PACRG: variants seen among roughly 807,000 people sequenced by gnomAD.
PACRG encodes parkin coregulated.
In PACRG, 29 loss-of-function variants were observed where a neutral mutation model predicts 29.7. That is an observed-to-expected ratio of 0.98 (90% CI 0.73 to 1.33). The LOEUF is 1.33. PACRG is among the 40% of genes most tolerant of loss of function. The pLI is 0.00. For synonymous variants in PACRG, 116 were observed against 118.7 expected, an observed-to-expected ratio of 0.98 and a Z score of 0.15; for missense variants, 279 against 316.2, an observed-to-expected ratio of 0.88 and a Z score of 0.89.
chr6:162,984,674 C>G (rs796957547), intron 2 of PACRG, among the ~76,000 whole-genome samples: 5 of 151,874 alleles, frequency 3.3e-5, no homozygotes, highest in African/African-American at 1.2e-4. Context: ...TCCATGCCAA[C>G]ATCTAGTATT....
intron 3 of PACRG, among the ~76,000 whole-genome samples, chr6:163,080,879 G>A (rs1437559819): frequency 2.7e-5 from 4 of 147,054 alleles, no homozygotes; most frequent in African/African-American, 7.3e-5. Flanking sequence ...AATATTTTTT[G>A]TATGACATTT....
chr6:163,092,420 A>T (rs535119847), intron 4 of PACRG, among the ~76,000 whole-genome samples: 41 of 152,218 alleles, frequency 2.7e-4, no homozygotes, highest in Non-Finnish European at 6.0e-4. Flanking sequence ...ACACGATCAG[A>T]GCAATGAAAA....
chr6:163,222,779 G>A (rs1321181811), intron 4 of PACRG, among the ~76,000 whole-genome samples: 1 of 152,114 alleles, frequency 6.6e-6, no homozygotes, highest in Non-Finnish European at 1.5e-5. Context: ...ATTGACATCA[G>A]ATAAATAAAC....
intron 4 of PACRG, among the ~76,000 whole-genome samples, chr6:163,291,893 C>G (rs1467748583): frequency 1.3e-5 from 2 of 151,938 alleles, no homozygotes; most frequent in Non-Finnish European, 2.9e-5. Context: ...CCTGATGTTG[C>G]TGTGAGGGAG....
intron 2 of PACRG, among the ~76,000 whole-genome samples, chr6:162,863,049 C>T (rs1021570039): frequency 6.6e-6 from 1 of 152,194 alleles, no homozygotes; most frequent in Non-Finnish European, 1.5e-5. Context: ...TTAAACACAT[C>T]AGGAAACTAC....
rs1562767321 is a variant in PACRG, at chr6:162,947,614, A to ATATACTCATATATATATATATGAT, written c.292-114532_292-114531insCTCATATATATATATATGATTATA. Among the ~76,000 whole-genome samples the ATATACTCATATATATATATATGAT allele has an allele frequency of 5.3e-4, 8 of 15,052 alleles. 1 individual carries two copies. Among genetic ancestry groups the ATATACTCATATATATATATATGAT allele is most frequent in the Non-Finnish European group, 9.5e-4 (7 of 7,374 alleles). 9.9% of individuals were successfully genotyped at this position (15,052 alleles called of 152,430 possible). On this transcript the variant is annotated intron_variant, in intron 2 of 4. Coordinates refer to ENST00000366888, the MANE Select transcript of PACRG (RefSeq NM_001080379.2). ...TATAATCATATATATATATAATCATATATATATATATATATATATATATAT... is the reference window on the plus strand; with the variant it reads ...TATAATCATATATATATATAATCATATATACTCATATATATATATATGATTATATATATATATATATATATATAT...
chr6:163,238,535 A>G (rs1782336700), intron 4 of PACRG, among the ~76,000 whole-genome samples: 1 of 152,220 alleles, frequency 6.6e-6, no homozygotes, highest in Non-Finnish European at 1.5e-5. Flanking sequence ...TAATGAAGGA[A>G]GAAGTGATTT....
intron 2 of PACRG, among the ~76,000 whole-genome samples, chr6:162,946,007 A>G (rs2128124587): frequency 6.6e-6 from 1 of 152,292 alleles, no homozygotes; most frequent in South Asian, 2.1e-4. Context: ...GGATACAGCA[A>G]AAGCACTGTT....
At chr6:163,098,142 C>T (rs1436235000) in intron 4 of PACRG, among the ~76,000 whole-genome samples, 5 of 152,042 alleles carry the variant, frequency 3.3e-5, no homozygotes, top group African/African-American at 9.7e-5. Flanking sequence ...GGGTGTGACT[C>T]CCCAGGTCCC....
At chr6:162,803,819 ATAT>A (rs1786084649) in intron 1 of PACRG, among the ~76,000 whole-genome samples, 2 of 152,174 alleles carry the variant, frequency 1.3e-5, no homozygotes, top group South Asian at 2.1e-4. Context: ...TTAGAAAATA[ATAT>A]TATCAAGATC....
At chr6:163,275,534 A>G (rs1274291534) in intron 4 of PACRG, among the ~76,000 whole-genome samples, 3 of 152,086 alleles carry the variant, frequency 2.0e-5, no homozygotes, top group Admixed American at 6.5e-5. Flanking sequence ...TAGACTTTTT[A>G]TTTGAAGAAC....
chr6:162,790,997 GAGGT>G (rs989113882), intron 1 of PACRG, among the ~76,000 whole-genome samples: 1 of 152,186 alleles, frequency 6.6e-6, no homozygotes, highest in African/African-American at 2.4e-5. Context: ...TGTATTTAAA[GAGGT>G]AGAATTTTTT....
intron 2 of PACRG, among the ~76,000 whole-genome samples, chr6:162,979,344 A>G (rs751662755): frequency 2.0e-5 from 3 of 152,052 alleles, no homozygotes; most frequent in Non-Finnish European, 4.4e-5. Context: ...GAAGAAGTCT[A>G]TTTGGATCTT....
intron 1 of PACRG, among the ~76,000 whole-genome samples, chr6:162,811,737 A>T (rs1320328012): frequency 2.0e-5 from 3 of 152,176 alleles, no homozygotes; most frequent in Non-Finnish European, 4.4e-5. Context: ...AGACAAACTG[A>T]TGTATCCATG....
intron 4 of PACRG, among the ~76,000 whole-genome samples, chr6:163,171,450 G>A (rs149585314): frequency 6.6e-6 from 1 of 152,154 alleles, no homozygotes. Flanking sequence ...AGGTATGACT[G>A]TTCTGCCCAT....
intron 2 of PACRG, among the ~76,000 whole-genome samples, chr6:163,050,844 T>C (rs1295636005): frequency 1.3e-5 from 2 of 152,218 alleles, no homozygotes; most frequent in African/African-American, 4.8e-5. Context: ...TTCATAGTGT[T>C]TCTGAAAAGT....
rs577338045 is a variant in PACRG, at chr6:163,231,372, C to T, written c.614-83455C>T. Reference sequence around the variant, plus strand: ...TAATCACATCCTGCTCGAACATGGCCAGAGTTCCCTGCCCATACCCTTTAT... The same window carrying T: ...TAATCACATCCTGCTCGAACATGGCTAGAGTTCCCTGCCCATACCCTTTAT... On this transcript the variant is annotated intron_variant, in intron 4 of 4. Coordinates refer to ENST00000366888, the MANE Select transcript of PACRG (RefSeq NM_001080379.2). Among the ~76,000 whole-genome samples, 22 of 152,290 alleles carry T rather than the reference C, an allele frequency of 1.4e-4. No individual in the cohort carries two copies. In the South Asian group the frequency reaches 1.9e-3, roughly 13 times the overall value.
At chr6:163,025,654 G>C (rs1290947034) in intron 2 of PACRG, among the ~76,000 whole-genome samples, 1 of 152,194 alleles carries the variant, frequency 6.6e-6, no homozygotes, top group Non-Finnish European at 1.5e-5. Context: ...GCATAGTTAG[G>C]ATTTATTTTC....
rs143277058 is a variant in PACRG, at chr6:163,309,765, G to A, written c.614-5062G>A. ...GTGTTGGGGCCGGGACTCTCCTCCC[G>A]TGGACCTGACAACTCTGCCTTCCCC... On this transcript the variant is annotated intron_variant, in intron 4 of 4. Transcript: ENST00000366888. Among the ~76,000 whole-genome samples, 15 of 152,286 alleles carry A rather than the reference G, an allele frequency of 9.8e-5. No individual in the cohort carries two copies. In the East Asian group the frequency reaches 2.1e-3, roughly 22 times the overall value.
Sources: allele counts gnomAD v4.1 joint callset (sites outside exome capture counted in the v4.1 genomes callset), GRCh38; gene constraint gnomAD v4.1.1; transcripts MANE v1.5; gene names NCBI Gene and HGNC (gene_info 2026-07-23, HGNC 2026-07-21).